The following ZFHX3 variants were observed in gnomAD, a reference collection of about 807,000 sequenced individuals.
ZFHX3 encodes the protein zinc finger homeobox 3.
ZFHX3 carries 42 observed loss-of-function variants against 279.1 expected under a neutral mutation model. The observed-to-expected ratio is 0.15, with a 90% CI of 0.12 to 0.19. The LOEUF (loss-of-function observed/expected upper bound fraction) is 0.19. Ranked by LOEUF, ZFHX3 falls within the 10% of genes least tolerant of loss-of-function variation. ZFHX3 has a pLI of 1.00. For synonymous variants in ZFHX3, 2,293 were observed against 1,957.8 expected (o/e 1.17, Z -4.52); for missense variants, 4,981 against 4,754.0 (o/e 1.05, Z -1.40).
intron 2 of ZFHX3, among the ~76,000 whole-genome samples, chr16:73,570,617 G>A (rs1337406023): frequency 6.6e-6 from 1 of 152,072 alleles, no homozygotes; most frequent in South Asian, 2.1e-4. Flanking sequence ...TCTTTGAAAA[G>A]TTTCTTGGGC....
chr16:73,680,104 C>T (rs1317086000), intron 2 of ZFHX3: 1 of 152,082 alleles, frequency 6.6e-6, no homozygotes, highest in Non-Finnish European at 1.5e-5. Flanking sequence ...TTAACTACAT[C>T]GAATGAAACA....
At chr16:73,112,321 A>C (rs1166562448) in intron 7 of ZFHX3, among the ~76,000 whole-genome samples, 1 of 152,116 alleles carries the variant, frequency 6.6e-6, no homozygotes, top group Admixed American at 6.6e-5. Context: ...AACGGAAGGA[A>C]GGGAAGAAGG....
intron 6 of ZFHX3, among the ~76,000 whole-genome samples, chr16:73,139,319 C>A (rs1284430231): frequency 6.6e-6 from 1 of 152,056 alleles, no homozygotes; most frequent in Non-Finnish European, 1.5e-5. Context: ...TACTATGATA[C>A]CACTGGCACG....
chr16:73,118,618 C>CTT (rs1966460169), intron 7 of ZFHX3, among the ~76,000 whole-genome samples: 1 of 152,128 alleles, frequency 6.6e-6, no homozygotes, highest in Non-Finnish European at 1.5e-5. Context: ...GGGTAGATAA[C>CTT]TTATTTAATC....
At chr16:72,879,095 C>G (rs1047330957) in intron 4 of ZFHX3, among the ~76,000 whole-genome samples, 1 of 152,122 alleles carries the variant, frequency 6.6e-6, no homozygotes, top group Non-Finnish European at 1.5e-5. Flanking sequence ...CCTGGAAGCG[C>G]AAGTGAAGGA....
intron 5 of ZFHX3, among the ~76,000 whole-genome samples, chr16:73,183,612 C>T (rs1030819747): frequency 2.0e-5 from 3 of 152,208 alleles, no homozygotes; most frequent in African/African-American, 7.2e-5. Context: ...GGCTACAGCC[C>T]AGACTTCACA....
chr16:73,585,213 C>T lies in ZFHX3; in HGVS notation c.-1547+94967G>A, dbSNP rs370653654. 4.6e-5 allele frequency among the ~76,000 whole-genome samples: 7 copies of T among 152,234 alleles called. No homozygotes were observed. In the East Asian group the frequency reaches 1.2e-3, roughly 25 times the overall value. ...TGGGCGGATCACGAGGTCAAGAGAT[C>T]GAGACTATCCTGGCCAACATGGTGA... On this transcript the variant is annotated intron_variant, in intron 2 of 17. Coordinates refer to the ZFHX3 transcript ENST00000641206.
chr16:73,069,674 G>C (rs768645076), intron 8 of ZFHX3, among the ~76,000 whole-genome samples: 6 of 152,114 alleles, frequency 3.9e-5, no homozygotes, highest in Non-Finnish European at 8.8e-5. Flanking sequence ...TTCCCACTAA[G>C]GTGACCAACT....
chr16:73,218,753 A>G (rs1597226125), intron 5 of ZFHX3, among the ~76,000 whole-genome samples: 1 of 152,226 alleles, frequency 6.6e-6, no homozygotes, highest in East Asian at 1.9e-4. Flanking sequence ...TGGGTGACAG[A>G]GCGAGACCCT....
chr16:73,687,518 G>A (rs1247416980), intron 1 of ZFHX3, among the ~76,000 whole-genome samples: 1 of 152,052 alleles, frequency 6.6e-6, no homozygotes, highest in Non-Finnish European at 1.5e-5. Flanking sequence ...ACATCAGAAA[G>A]GGAAATGCCA....
At chr16:73,834,373 A>G (rs1407736676) in intron 1 of ZFHX3, among the ~76,000 whole-genome samples, 1 of 152,228 alleles carries the variant, frequency 6.6e-6, no homozygotes, top group Non-Finnish European at 1.5e-5. Flanking sequence ...ACTGTCTGGT[A>G]AGTAAAGCCC....
intron 3 of ZFHX3, among the ~76,000 whole-genome samples, chr16:73,383,643 G>C (rs546824155): frequency 7.1e-6 from 1 of 141,400 alleles, no homozygotes; most frequent in African/African-American, 2.6e-5. Flanking sequence ...ATCCCTTGTG[G>C]AGCAAGCACA....
At position 73,882,913 on chromosome 16, in the gene ZFHX3, T is replaced by G. The variant is rs537660344; in HGVS notation, c.-1608+8738A>C. Among the ~76,000 whole-genome samples the G allele has an allele frequency of 2.6e-5, 4 of 152,248 alleles. No homozygotes were observed. In the South Asian group the frequency reaches 8.3e-4, roughly 32 times the overall value. On this transcript the variant is annotated intron_variant, in intron 1 of 17. Transcript: ENST00000641206. Reference sequence around the variant, plus strand: ...TGCAAGAGGAAGCTTGTGGGTCATTTGTTCCCTTGATGCAAACATACTTGT... The same window carrying G: ...TGCAAGAGGAAGCTTGTGGGTCATTGGTTCCCTTGATGCAAACATACTTGT...
chr16:73,114,709 A>G (rs1447639289), intron 7 of ZFHX3, among the ~76,000 whole-genome samples: 1 of 152,170 alleles, frequency 6.6e-6, no homozygotes, highest in Non-Finnish European at 1.5e-5. Flanking sequence ...AAAAAAATAA[A>G]ATGGGAAAAC....
chr16:73,504,782 C>G (rs1789483809), intron 2 of ZFHX3: 1 of 152,126 alleles, frequency 6.6e-6, no homozygotes, highest in Non-Finnish European at 1.5e-5. Flanking sequence ...TCCTGTCATT[C>G]CGTGGAGATT....
At chr16:72,968,614 C>G (rs1961957952) in intron 1 of ZFHX3, among the ~76,000 whole-genome samples, 1 of 152,006 alleles carries the variant, frequency 6.6e-6, no homozygotes, top group Non-Finnish European at 1.5e-5. Flanking sequence ...ATGCCCACCA[C>G]CACGCCTGGC....
At chr16:73,628,684 C>G (rs2052440629) in intron 2 of ZFHX3, among the ~76,000 whole-genome samples, 3 of 152,210 alleles carry the variant, frequency 2.0e-5, no homozygotes, top group Admixed American at 2.0e-4. Context: ...TGGTAAACCT[C>G]CAAGTTTCAT....
chr16:73,138,403 G>A (rs1176343356), intron 6 of ZFHX3, among the ~76,000 whole-genome samples: 2 of 152,172 alleles, frequency 1.3e-5, no homozygotes, highest in African/African-American at 4.8e-5. Context: ...CGGTCAGAGG[G>A]TCAGGGGATG....
intron 8 of ZFHX3, among the ~76,000 whole-genome samples, chr16:73,085,584 G>A (rs759370680): frequency 6.6e-6 from 1 of 152,176 alleles, no homozygotes; most frequent in African/African-American, 2.4e-5. Flanking sequence ...ACTGGGCAAA[G>A]GACAGTCTCT....
Sources: gnomAD v4.1 joint callset for allele counts (sites outside exome capture counted in the v4.1 genomes callset) on GRCh38, gnomAD v4.1.1 for gene constraint, MANE v1.5 for transcripts, NCBI Gene and HGNC (gene_info 2026-07-23, HGNC 2026-07-21) for gene names.